The following CNGB3 variants were observed in gnomAD, a reference collection of about 807,000 sequenced individuals.
CNGB3 encodes the protein cyclic nucleotide gated channel subunit beta 3.
Under a neutral mutation model 92.8 loss-of-function variants are expected in CNGB3, and 86 were observed. The observed-to-expected ratio is 0.93, with a 90% confidence interval of 0.78 to 1.11. The LOEUF is 1.11. Among genes scored for constraint, CNGB3 ranks in the 50% least tolerant of loss-of-function variants. The pLI is 0.00. For missense variants in CNGB3, 1,026 were observed against 956.8 expected (o/e 1.07, Z -0.95); for synonymous variants, 333 against 332.7 (o/e 1.00, Z -0.01).
intron 3 of CNGB3, among the ~76,000 whole-genome samples, chr8:86,712,913 GT>G (rs1332448058): frequency 1.3e-5 from 2 of 149,750 alleles, no homozygotes; most frequent in Admixed American, 1.3e-4. Flanking sequence ...TTGCTCATCT[GT>G]TTTTTTTCAA....
At chr8:86,657,279 T>A in intron 6 of CNGB3, 2 of 277,530 alleles carry the variant, frequency 7.2e-6, no homozygotes, top group South Asian at 7.4e-5. Context: ...CTTACCTTGC[T>A]CCTCTAAGGA....
intron 3 of CNGB3, among the ~76,000 whole-genome samples, chr8:86,709,078 G>T (rs1246631399): frequency 1.3e-5 from 2 of 152,270 alleles, no homozygotes; most frequent in Admixed American, 1.3e-4. Context: ...TTATAGAAAT[G>T]ATCCAACAAA....
intron 10 of CNGB3, among the ~76,000 whole-genome samples, chr8:86,637,784 T>G (rs1823101110): frequency 6.6e-6 from 1 of 152,144 alleles, no homozygotes; most frequent in Non-Finnish European, 1.5e-5. Context: ...TTTAATAAAT[T>G]TTGACAAATG....
intron 9 of CNGB3, among the ~76,000 whole-genome samples, chr8:86,644,090 A>T (rs1448435361): frequency 2.0e-5 from 3 of 149,450 alleles, no homozygotes; most frequent in Non-Finnish European, 3.0e-5. Flanking sequence ...AAAAAAAAAG[A>T]AAAAGAAAAC....
intron 3 of CNGB3, among the ~76,000 whole-genome samples, chr8:86,708,773 G>A (rs1164758229): frequency 2.0e-5 from 3 of 151,772 alleles, no homozygotes. Flanking sequence ...GTCTTGCTCT[G>A]TTGCCCAGGC....
At chr8:86,679,472 C>G (rs1425444685) in intron 3 of CNGB3, among the ~76,000 whole-genome samples, 1 of 152,006 alleles carries the variant, frequency 6.6e-6, no homozygotes, top group Non-Finnish European at 1.5e-5. Flanking sequence ...AGGATAAGGC[C>G]CTAATCTGAT....
At chr8:86,623,386 C>G (rs1399693856) in intron 13 of CNGB3, among the ~76,000 whole-genome samples, 7 of 152,148 alleles carry the variant, frequency 4.6e-5, no homozygotes, top group Middle Eastern at 3.4e-3. Context: ...TTCTGAAGAC[C>G]GAGAAGTCCA....
At chr8:86,726,429 C>A in intron 3 of CNGB3, 102 bp downstream of exon 3, 2 of 1,506,228 alleles carry the variant, frequency 1.3e-6, no homozygotes, top group Non-Finnish European at 1.8e-6. Context: ...TGAATTTTTT[C>A]TGCCCTTATA....
At chr8:86,682,695 G>A (rs1196387302) in intron 3 of CNGB3, among the ~76,000 whole-genome samples, 1 of 152,112 alleles carries the variant, frequency 6.6e-6, no homozygotes, top group Non-Finnish European at 1.5e-5. Context: ...AATGCAAACG[G>A]AGGACATTTG....
intron 4 of CNGB3, among the ~76,000 whole-genome samples, chr8:86,669,773 G>A (rs1033980324): frequency 1.3e-4 from 19 of 151,802 alleles, no homozygotes; most frequent in African/African-American, 4.1e-4. Context: ...ACAAAGCTTT[G>A]TTCTATTCTT....
chr8:86,595,118 C>T (rs1029188770), intron 15 of CNGB3, among the ~76,000 whole-genome samples: 3 of 152,218 alleles, frequency 2.0e-5, no homozygotes, highest in African/African-American at 7.2e-5. Flanking sequence ...AGAATTTCAT[C>T]TCTGAAATTA....
At chr8:86,635,052 A>G (rs1465568455) in intron 10 of CNGB3, among the ~76,000 whole-genome samples, 4 of 152,014 alleles carry the variant, frequency 2.6e-5, no homozygotes, top group South Asian at 2.1e-4. Context: ...ATGCCAAGAG[A>G]ATAAAAATGT....
intron 4 of CNGB3, among the ~76,000 whole-genome samples, chr8:86,669,990 C>T (rs1823823388): frequency 6.6e-6 from 1 of 152,066 alleles, no homozygotes; most frequent in Admixed American, 6.6e-5. Context: ...GCTGGTACTA[C>T]AGGCATGTGC....
chr8:86,640,407 C>A (rs1490918718), intron 10 of CNGB3, among the ~76,000 whole-genome samples: 1 of 152,016 alleles, frequency 6.6e-6, no homozygotes, highest in East Asian at 1.9e-4. Context: ...TGTTTATCTG[C>A]CATTCCAAGA....
At chr8:86,667,387 AG>A (rs2131615446) in intron 5 of CNGB3, among the ~76,000 whole-genome samples, 1 of 152,294 alleles carries the variant, frequency 6.6e-6, no homozygotes, top group African/African-American at 2.4e-5. Context: ...GGCCCCTCTG[AG>A]TCTGTCCACA....
At chr8:86,715,543 C>T (rs975308378) in intron 3 of CNGB3, among the ~76,000 whole-genome samples, 8 of 152,044 alleles carry the variant, frequency 5.3e-5, no homozygotes, top group African/African-American at 1.9e-4. Context: ...AGAATCTGAA[C>T]AGCAGCCCTT....
intron 6 of CNGB3, chr8:86,659,140 G>T: frequency 1.4e-6 from 1 of 708,912 alleles, no homozygotes; most frequent in Non-Finnish European, 2.5e-6. Context: ...TCCTGTACCC[G>T]AGTCATGCTG....
At chr8:86,726,420 G>A in intron 3 of CNGB3, 111 bp downstream of exon 3, 1 of 1,450,334 alleles carries the variant, frequency 6.9e-7, no homozygotes, top group Non-Finnish European at 9.7e-7. Flanking sequence ...TGTGACTATT[G>A]AATTTTTTCT....
At chr8:86,588,602 G>T (rs1324217181) in intron 15 of CNGB3, among the ~76,000 whole-genome samples, 2 of 151,106 alleles carry the variant, frequency 1.3e-5, no homozygotes, top group African/African-American at 4.9e-5. Context: ...TAATCATGCG[G>T]TTTTTGTCTT....
Sources: allele counts gnomAD v4.1 joint callset (sites outside exome capture counted in the v4.1 genomes callset), GRCh38; gene constraint gnomAD v4.1.1; transcripts MANE v1.5; gene names NCBI Gene and HGNC (gene_info 2026-07-23, HGNC 2026-07-21).